The following PATZ1 variants were observed in gnomAD, a reference collection of about 807,000 sequenced individuals.
PATZ1 encodes POZ/BTB and AT hook containing zinc finger 1, also known as POZ-, AT hook-, and zinc finger-containing protein 1.
Under a neutral mutation model 46.2 loss-of-function variants are expected in PATZ1, and 9 were observed. The observed-to-expected ratio is 0.19, with a 90% CI of 0.12 to 0.34. The LOEUF (loss-of-function observed/expected upper bound fraction) is 0.34, where lower values mean the gene tolerates loss of function less well. Among genes scored for constraint, PATZ1 ranks in the 10% least tolerant of loss-of-function variants. The pLI is 1.00. For missense variants in PATZ1, 632 were observed against 923.0 expected, an observed-to-expected ratio of 0.68 and a Z score of 4.08; for synonymous variants, 426 against 378.6, an observed-to-expected ratio of 1.13 and a Z score of -1.45.
At chr22:31,341,307 C>T (rs1182786520) in intron 2 of PATZ1, 5 of 1,472,278 alleles carry the variant, frequency 3.4e-6, no homozygotes, top group South Asian at 1.5e-5. Flanking sequence ...GCATGCTGGG[C>T]AGGAACCACC....
intron 1 of PATZ1, among the ~76,000 whole-genome samples, chr22:31,344,050 G>T (rs990243319): frequency 6.6e-6 from 1 of 152,220 alleles, no homozygotes; most frequent in Non-Finnish European, 1.5e-5. Context: ...AGCCCTGGGG[G>T]AAGAATGGTG....
In PATZ1 at chr22:31,345,728, T is replaced by C. The variant is rs1376332742; in HGVS notation, c.-126A>G. 2 of 988,996 alleles carry C rather than the reference T, an allele frequency of 2.0e-6. No individual in the cohort carries two copies. The highest frequency in any genetic ancestry group is 2.9e-6 in the Non-Finnish European group (2 of 695,074). 61.3% of individuals were successfully genotyped at this position (988,996 alleles called of 1,614,324 possible). ...CCACACGTGCCGGCCCGAGGCTCTG[T>C]AGTCTCGCAGGTGCGCCGAGTGTAC... is the stretch of plus-strand genomic sequence containing the variant. On this transcript the variant is annotated 5_prime_UTR_variant, in exon 1 of 5. Transcript: ENST00000266269. The surrounding 1 kb of genome is among the most constrained non-coding windows in gnomAD (Gnocchi z 7.4).
rs951894431 is a variant in PATZ1, at chr22:31,328,084, G to A, written c.1645+703C>T. 2.0e-5 allele frequency among the ~76,000 whole-genome samples: 3 copies of A among 152,176 alleles called. No homozygotes were observed. The South Asian group carries it at 6.2e-4, about 31-fold the overall frequency. On this transcript the variant is annotated intron_variant, in intron 4 of 4. Transcript: ENST00000266269. The surrounding 1 kb of genome is among the most constrained non-coding windows in gnomAD (Gnocchi z 4.8). ...GGTCCAGAGAGCCATGCCGGGAAGG[G>A]AGGTCTGTGATGGGAGCATGGAGCA... is the stretch of plus-strand genomic sequence containing the variant.
chr22:31,341,765 G>C (rs1332123173), intron 2 of PATZ1: 2 of 1,264,080 alleles, frequency 1.6e-6, no homozygotes, highest in Non-Finnish European at 2.2e-6. Flanking sequence ...CTCCTACTCT[G>C]CCCGGGCTAA....
intron 2 of PATZ1, 115 bp from the exon 3 acceptor site, chr22:31,335,978 T>C: frequency 1.1e-6 from 1 of 911,604 alleles, no homozygotes; most frequent in South Asian, 1.6e-5. Flanking sequence ...CCTCCCTTTA[T>C]AAAGACAGCT....
chr22:31,327,213 C>T lies in PATZ1; in HGVS notation c.1742G>A (p.Ser581Asn). Residue 581 changes from serine (S) to asparagine (N), a missense_variant, in exon 5 of 5, where the codon AGT (serine) becomes AAT (asparagine). Physicochemically the swap from Ser to Asn is conservative, Grantham distance 46. Around this residue, in one of 7 missense-constraint regions of PATZ1, gnomAD observed 176 missense variants for 249.4 expected, o/e 0.71. Coordinates refer to ENST00000266269, the MANE Select transcript of PATZ1 (RefSeq NM_014323.3). This position sits in a 1 kb window ranked among gnomAD's most constrained non-coding sequence, Gnocchi z 4.2. ...GTCGCAGGAGAAAGAGCCATTGGCA[C>T]TCTGCTTCTCTGGCGTCTTCAGGTC... ...ASDLKTPEKQ[S>N]ANGSFSCDMA... The T allele has an allele frequency of 6.2e-7, 1 of 1,614,244 alleles. No individual in the cohort carries two copies. Among genetic ancestry groups the T allele is most frequent in the Non-Finnish European group, 8.5e-7 (1 of 1,180,034 alleles).
At chr22:31,329,087 G>A (rs879367384) in intron 3 of PATZ1, among the ~76,000 whole-genome samples, 163 bp from the exon 4 acceptor site, 1 of 152,242 alleles carries the variant, frequency 6.6e-6, no homozygotes, top group Non-Finnish European at 1.5e-5. Flanking sequence ...CATGAGCCAT[G>A]TGACTCAGGA....
At chr22:31,343,216 T>G in intron 1 of PATZ1, 2 of 1,231,088 alleles carry the variant, frequency 1.6e-6, no homozygotes, top group Non-Finnish European at 1.0e-6. Flanking sequence ...ACTCCCTCAA[T>G]TCTCCCCACC....
intron 2 of PATZ1, 105 bp downstream of exon 2, chr22:31,342,792 G>T: frequency 8.4e-7 from 1 of 1,196,512 alleles, no homozygotes; most frequent in Non-Finnish European, 1.2e-6. Flanking sequence ...CAAAGCGGTG[G>T]GCGGTCAGCC....
In PATZ1 at chr22:31,346,319, CGT is replaced by C. The variant is rs1198527732; in HGVS notation, c.-719_-718del. 6.5e-6 allele frequency: 1 copy of C among 154,056 alleles called. No homozygotes were observed. The highest frequency in any genetic ancestry group is 1.9e-4 in the East Asian group (1 of 5,220). The allele number at this position is 154,056 out of a possible 1,614,324, so 9.5% of individuals were successfully genotyped here. On this transcript the variant is annotated 5_prime_UTR_variant, in exon 1 of 5. Coordinates refer to ENST00000266269, the MANE Select transcript of PATZ1 (RefSeq NM_014323.3). ...GCGGCGGCTGTGCGGCCCCGGGCTC[CGT>C]GTGTTCGGAGCGGAGGAAAGATGGC... is the stretch of plus-strand genomic sequence containing the variant.
intron 3 of PATZ1, among the ~76,000 whole-genome samples, chr22:31,332,423 G>A (rs1402874204): frequency 6.6e-6 from 1 of 152,134 alleles, no homozygotes; most frequent in African/African-American, 2.4e-5. Context: ...AGCCATCCAC[G>A]CAATGGAGAT....
Position 31,345,757 on chromosome 22 carries a change from C to T in PATZ1, c.-155G>A, listed in dbSNP as rs2049647417. 1.4e-6 allele frequency: 1 copy of T among 730,592 alleles called. No individual in the cohort carries two copies. Among genetic ancestry groups the T allele is most frequent in the South Asian group, 1.9e-5 (1 of 52,072 alleles). The allele number at this position is 730,592 out of a possible 1,614,324, so 45.3% of individuals were successfully genotyped here. On this transcript the variant is annotated 5_prime_UTR_variant, in exon 1 of 5. Transcript: ENST00000266269. The surrounding 1 kb of genome is among the most constrained non-coding windows in gnomAD (Gnocchi z 7.4). Reference sequence around the variant, plus strand: ...CTCGCAGGTGCGCCGAGTGTACACGCCCCCAGCCCGGATCAGACTGTCTAG... The same window carrying T: ...CTCGCAGGTGCGCCGAGTGTACACGTCCCCAGCCCGGATCAGACTGTCTAG...
intron 2 of PATZ1, among the ~76,000 whole-genome samples, chr22:31,339,754 C>T (rs2049556938): frequency 6.6e-6 from 1 of 152,222 alleles, no homozygotes; most frequent in Non-Finnish European, 1.5e-5. Flanking sequence ...GTCATCACCA[C>T]TCAACACTGA....
intron 3 of PATZ1, among the ~76,000 whole-genome samples, chr22:31,332,749 T>A (rs181609556): frequency 1.3e-5 from 2 of 152,362 alleles, no homozygotes; most frequent in Admixed American, 1.3e-4. Context: ...TGTGCTTACC[T>A]CTGACTGGGG....
chr22:31,344,019 T>C (rs2049616683), intron 1 of PATZ1, among the ~76,000 whole-genome samples: 2 of 152,108 alleles, frequency 1.3e-5, no homozygotes, highest in South Asian at 4.2e-4. Context: ...GCCCCACGCC[T>C]GGTGCCGGAA....
chr22:31,340,576 T>C (rs2049567903), intron 2 of PATZ1: 1 of 536,162 alleles, frequency 1.9e-6, no homozygotes, highest in Non-Finnish European at 2.4e-6. Flanking sequence ...TCTGTGAGAG[T>C]GTATGTTGGG....
chr22:31,338,056 A>G (rs2049533143), intron 2 of PATZ1: 1 of 152,216 alleles, frequency 6.6e-6, no homozygotes, highest in Non-Finnish European at 1.5e-5. Flanking sequence ...TATCTGTTTT[A>G]TATATTCAGT....
At chr22:31,343,076 C>G (rs1453879317) in intron 1 of PATZ1, 116 bp from the exon 2 acceptor site, 2 of 1,508,634 alleles carry the variant, frequency 1.3e-6, no homozygotes, top group East Asian at 4.9e-5. Flanking sequence ...AGGACTCCCT[C>G]TCCCCAACCC....
intron 3 of PATZ1, among the ~76,000 whole-genome samples, chr22:31,331,849 C>T (rs919331607): frequency 6.6e-6 from 1 of 152,034 alleles, no homozygotes; most frequent in Non-Finnish European, 1.5e-5. Flanking sequence ...TTTGGCTGGG[C>T]GCAGTGGCTC....
Sources: gnomAD v4.1 joint callset for allele counts (sites outside exome capture counted in the v4.1 genomes callset) on GRCh38, gnomAD v4.1.1 for gene constraint, gnomAD v4.1.1 regional missense constraint, Gnocchi (gnomAD v3.1) non-coding constraint, MANE v1.5 for transcripts, NCBI Gene and HGNC (gene_info 2026-07-23, HGNC 2026-07-21) for gene names.